GPC6: variants seen among roughly 807,000 people sequenced by gnomAD.
GPC6 encodes glypican 6.
GPC6 carries 14 observed loss-of-function variants against 55.2 expected under a neutral mutation model. That is an observed-to-expected ratio of 0.25 (90% confidence interval 0.17 to 0.40). The LOEUF (loss-of-function observed/expected upper bound fraction) is 0.40. Among genes scored for constraint, GPC6 ranks in the 10% least tolerant of loss-of-function variants. The pLI, the probability that GPC6 is intolerant of heterozygous loss-of-function variation, is 1.00. For missense variants in GPC6, 641 were observed against 708.5 expected (o/e 0.90, Z 1.08); for synonymous variants, 278 against 259.6 (o/e 1.07, Z -0.68).
intron 1 of GPC6, among the ~76,000 whole-genome samples, chr13:93,401,155 CGTGTGTGTGTGTGTGTGTGTGT>C (rs5805802): frequency 4.0e-4 from 57 of 143,536 alleles, no homozygotes; most frequent in African/African-American, 1.3e-3. Flanking sequence ...AGGTATTTGT[CGTGTGTGTGTGTGTGTGTGTGT>C]GTGTGTGTGT....
At position 93,865,857 on chromosome 13, in the gene GPC6, A is replaced by G. The variant is rs144977061; in HGVS notation, c.711+35312A>G. 3.1e-3 allele frequency among the ~76,000 whole-genome samples: 475 copies of G among 151,812 alleles called. 5 individuals carry two copies. Among genetic ancestry groups the G allele is most frequent in the African/African-American group, 0.011 (457 of 41,496 alleles). ...CTGTCCTCTGCTTACTGTTACCATA[A>G]TACCTTCAACTCCTGGTGACTGGAT... On this transcript the variant is annotated intron_variant, in intron 3 of 8. Coordinates refer to ENST00000377047, the MANE Select transcript of GPC6 (RefSeq NM_005708.5).
intron 1 of GPC6, among the ~76,000 whole-genome samples, chr13:93,453,658 A>G (rs1325841955): frequency 6.6e-6 from 1 of 151,108 alleles, no homozygotes; most frequent in African/African-American, 2.4e-5. Flanking sequence ...CTGGCTCAGG[A>G]GTGAAGCTGC....
intron 4 of GPC6, among the ~76,000 whole-genome samples, chr13:94,054,414 G>A (rs573343795): frequency 6.6e-6 from 1 of 152,122 alleles, no homozygotes; most frequent in African/African-American, 2.4e-5. Flanking sequence ...AAAGCGCTGT[G>A]CTCCGCTGCC....
At chr13:93,329,374 T>A (rs527649173) in intron 1 of GPC6, among the ~76,000 whole-genome samples, 1 of 152,346 alleles carries the variant, frequency 6.6e-6, no homozygotes, top group Non-Finnish European at 1.5e-5. Flanking sequence ...AATTAAAATG[T>A]TCATAACTAT....
chr13:93,218,142 TA>T, the GPC6 span, among the ~76,000 whole-genome samples: 1 of 150,568 alleles, frequency 6.6e-6, no homozygotes, highest in Non-Finnish European at 1.5e-5. Flanking sequence ...TCAAGTAACT[TA>T]AAAAATATGC....
chr13:94,193,398 G>T (rs60832563), intron 4 of GPC6, among the ~76,000 whole-genome samples: 1,999 of 152,200 alleles, frequency 0.013, 43 homozygotes, highest in African/African-American at 0.04. Flanking sequence ...ATGTAATGTG[G>T]AGTGGGAGGG....
chr13:93,631,277 G>GC (rs201041408), intron 2 of GPC6, among the ~76,000 whole-genome samples: 5 of 152,062 alleles, frequency 3.3e-5, no homozygotes, highest in Admixed American at 3.3e-4. Context: ...GCTCCTCCCT[G>GC]CTGCAAATGG....
At chr13:94,172,099 T>C (rs1888588463) in intron 4 of GPC6, among the ~76,000 whole-genome samples, 1 of 152,186 alleles carries the variant, frequency 6.6e-6, no homozygotes, top group Non-Finnish European at 1.5e-5. Context: ...CAGCAGCAAC[T>C]TGCCCTCAGG....
chr13:93,693,589 C>T (rs1261586269), intron 2 of GPC6, among the ~76,000 whole-genome samples: 1 of 151,852 alleles, frequency 6.6e-6, no homozygotes, highest in Non-Finnish European at 1.5e-5. Context: ...AGCAATCCTC[C>T]CACCTCAGCC....
intron 4 of GPC6, among the ~76,000 whole-genome samples, chr13:94,225,013 G>A (rs1400960703): frequency 6.6e-6 from 1 of 152,040 alleles, no homozygotes; most frequent in African/African-American, 2.4e-5. Flanking sequence ...GCTCTACTCT[G>A]GTCTGCAGCT....
intron 2 of GPC6, among the ~76,000 whole-genome samples, chr13:93,663,390 A>AG (rs1881004132): frequency 6.6e-6 from 1 of 152,178 alleles, no homozygotes; most frequent in Non-Finnish European, 1.5e-5. Flanking sequence ...TTCTCCCATA[A>AG]TAAATTCCTT....
intron 2 of GPC6, among the ~76,000 whole-genome samples, chr13:93,555,735 A>G (rs1291444617): frequency 6.6e-6 from 1 of 152,202 alleles, no homozygotes; most frequent in Non-Finnish European, 1.5e-5. Context: ...CACAGGCGTG[A>G]ATAAGAAATG....
At chr13:94,279,871 T>C (rs748706472) in intron 4 of GPC6, among the ~76,000 whole-genome samples, 1 of 152,214 alleles carries the variant, frequency 6.6e-6, no homozygotes, top group Non-Finnish European at 1.5e-5. Context: ...AATTATGTGA[T>C]CAATTTTAGA....
intron 2 of GPC6, among the ~76,000 whole-genome samples, chr13:93,744,697 T>C (rs1312992622): frequency 6.6e-6 from 1 of 151,666 alleles, no homozygotes; most frequent in Non-Finnish European, 1.5e-5. Context: ...CCCAGCACTT[T>C]GGGAGGCTGA....
chr13:93,576,627 T>C (rs1337895841), intron 2 of GPC6, among the ~76,000 whole-genome samples: 2 of 152,160 alleles, frequency 1.3e-5, no homozygotes, highest in Non-Finnish European at 2.9e-5. Context: ...TCTTTCAACT[T>C]TACAGCTCAT....
chr13:94,250,577 A>G (rs921705738), intron 4 of GPC6, among the ~76,000 whole-genome samples: 4 of 152,178 alleles, frequency 2.6e-5, no homozygotes, highest in African/African-American at 9.6e-5. Flanking sequence ...AAGCTCCCCA[A>G]ATATCCTTTT....
intron 1 of GPC6, among the ~76,000 whole-genome samples, chr13:93,228,968 A>G (rs1594040194): frequency 1.3e-5 from 2 of 152,332 alleles, no homozygotes; most frequent in African/African-American, 4.8e-5. Flanking sequence ...AGGGGGAAAA[A>G]AAGAGGCGCA....
Position 94,014,690 on chromosome 13 carries a change from C to A in GPC6, c.712-13039C>A, listed in dbSNP as rs1337870110. Among the ~76,000 whole-genome samples, 4 of 152,148 alleles carry A rather than the reference C, an allele frequency of 2.6e-5. No individual in the cohort carries two copies. The East Asian group carries it at 7.7e-4, about 29-fold the overall frequency. On this transcript the variant is annotated intron_variant, in intron 3 of 8. Coordinates refer to ENST00000377047, the MANE Select transcript of GPC6 (RefSeq NM_005708.5). The stretch of plus-strand genomic sequence containing the variant: ...CATTCTCCAGCCCCCACACCTGCTT[C>A]CATCACTCCCTTGCCCCATCCCCTG...
At chr13:94,314,571 C>G (rs1442946147) in intron 6 of GPC6, among the ~76,000 whole-genome samples, 1 of 152,168 alleles carries the variant, frequency 6.6e-6, no homozygotes, top group Non-Finnish European at 1.5e-5. Flanking sequence ...CTAAACTGCT[C>G]AAACCATACC....
Sources: allele counts gnomAD v4.1 joint callset (sites outside exome capture counted in the v4.1 genomes callset), GRCh38; gene constraint gnomAD v4.1.1; transcripts MANE v1.5; gene names NCBI Gene and HGNC (gene_info 2026-07-23, HGNC 2026-07-21).